Variants in OTUD7A observed in about 807,000 individuals in gnomAD.
The protein encoded by OTUD7A is OTU deubiquitinase 7A.
A neutral mutation model predicts 65.7 loss-of-function variants in OTUD7A; 12 were observed. That is an observed-to-expected ratio of 0.18 (90% CI 0.12 to 0.30). The LOEUF is 0.30. OTUD7A is among the 10% of genes least tolerant of loss of function. OTUD7A has a pLI of 1.00. For synonymous variants in OTUD7A, 641 were observed against 586.3 expected (o/e 1.09, Z -1.35); for missense variants, 1,148 against 1,304.8 (o/e 0.88, Z 1.85).
chr15:31,699,688 C>T (rs1893169228), intron 1 of OTUD7A, among the ~76,000 whole-genome samples: 1 of 152,022 alleles, frequency 6.6e-6, no homozygotes, highest in African/African-American at 2.4e-5. Flanking sequence ...CAGCCCGTAT[C>T]GGCCTCAGTG....
In OTUD7A at chr15:31,597,919, C is replaced by T. The variant is rs189188585; in HGVS notation, c.152-27722G>A. ...GGGAGCCAGCAGGATTTCTGATGAC[C>T]GGCTGTGGGTGTGAGTAAAAGCAGT... On this transcript the variant is annotated intron_variant, in intron 3 of 12. Coordinates refer to ENST00000307050, the MANE Select transcript of OTUD7A (RefSeq NM_001382637.1). Among the ~76,000 whole-genome samples the T allele has an allele frequency of 3.4e-3, 516 of 152,270 alleles. 4 individuals carry two copies. The highest frequency in any genetic ancestry group is 0.012 in the African/African-American group (497 of 41,560).
At chr15:31,640,766 T>A (rs1226512173) in intron 3 of OTUD7A, among the ~76,000 whole-genome samples, 5 of 152,212 alleles carry the variant, frequency 3.3e-5, no homozygotes, top group South Asian at 4.1e-4. Context: ...GATACACTTA[T>A]ACATAGTGAA....
chr15:31,565,965 G>A (rs1888855993), intron 4 of OTUD7A, among the ~76,000 whole-genome samples: 1 of 152,214 alleles, frequency 6.6e-6, no homozygotes, highest in Non-Finnish European at 1.5e-5. Context: ...GGCCGAGGTA[G>A]GTGGATCACA....
chr15:31,696,284 C>T (rs1441313387), intron 1 of OTUD7A, among the ~76,000 whole-genome samples: 3 of 136,738 alleles, frequency 2.2e-5, no homozygotes, highest in East Asian at 2.6e-4. Flanking sequence ...GCATTTTGAG[C>T]GTGCCTGCTG....
At chr15:31,626,296 A>C (rs987357950) in intron 3 of OTUD7A, among the ~76,000 whole-genome samples, 3 of 152,188 alleles carry the variant, frequency 2.0e-5, no homozygotes, top group Non-Finnish European at 2.9e-5. Context: ...AATATACAAA[A>C]AATTAGATGA....
At chr15:31,773,177 G>A (rs1895286181) in intron 1 of OTUD7A, among the ~76,000 whole-genome samples, 1 of 152,152 alleles carries the variant, frequency 6.6e-6, no homozygotes, top group Admixed American at 6.5e-5. Context: ...ATGGAGTTTT[G>A]TTTATATAAA....
chr15:31,694,956 C>T (rs1217874018), intron 1 of OTUD7A, among the ~76,000 whole-genome samples: 1 of 152,054 alleles, frequency 6.6e-6, no homozygotes. Flanking sequence ...CGTCATTCTC[C>T]TGCCTCAGCC....
intron 5 of OTUD7A, among the ~76,000 whole-genome samples, chr15:31,534,926 A>T (rs1887747263): frequency 6.6e-6 from 1 of 152,140 alleles, no homozygotes; most frequent in Non-Finnish European, 1.5e-5. Flanking sequence ...GGTTGAAAAA[A>T]ATCCACATAT....
chr15:31,864,592 C>A (rs28680840), intron 1 of OTUD7A, among the ~76,000 whole-genome samples: 48,542 of 151,980 alleles, frequency 0.32, 8,430 homozygotes, highest in South Asian at 0.56. Flanking sequence ...GATTCAGTTA[C>A]CTCCCTCTGG....
At chr15:31,682,212 A>C (rs1451497908) in intron 1 of OTUD7A, among the ~76,000 whole-genome samples, 1 of 152,230 alleles carries the variant, frequency 6.6e-6, no homozygotes, top group Non-Finnish European at 1.5e-5. Context: ...CTAACTAAGG[A>C]ATTCACAAAA....
chr15:31,615,419 A>G (rs938587373), intron 3 of OTUD7A, among the ~76,000 whole-genome samples: 1 of 152,352 alleles, frequency 6.6e-6, no homozygotes, highest in South Asian at 2.1e-4. Flanking sequence ...ACAGGAAGCT[A>G]TGACAAGTCT....
At chr15:31,632,829 G>A (rs1891216828) in intron 3 of OTUD7A, among the ~76,000 whole-genome samples, 1 of 152,164 alleles carries the variant, frequency 6.6e-6, no homozygotes, top group African/African-American at 2.4e-5. Flanking sequence ...AATGGCAGGC[G>A]CCCCTCCCCC....
intron 3 of OTUD7A, among the ~76,000 whole-genome samples, chr15:31,629,504 A>G (rs1010109921): frequency 5.3e-5 from 8 of 152,188 alleles, no homozygotes; most frequent in Non-Finnish European, 8.8e-5. Flanking sequence ...CCAGTATTTT[A>G]TTGAGGATTT....
intron 10 of OTUD7A, among the ~76,000 whole-genome samples, chr15:31,490,448 G>T (rs1474256413): frequency 6.6e-6 from 1 of 152,148 alleles, no homozygotes; most frequent in Non-Finnish European, 1.5e-5. Flanking sequence ...GAAGAGCATT[G>T]TTCCACCATG....
intron 1 of OTUD7A, among the ~76,000 whole-genome samples, chr15:31,862,162 T>C (rs1897758708): frequency 6.6e-6 from 1 of 152,204 alleles, no homozygotes; most frequent in Non-Finnish European, 1.5e-5. Flanking sequence ...TTTGGAATGC[T>C]ATTCTTTTCC....
chr15:31,490,412 G>T (rs550980869), intron 10 of OTUD7A, among the ~76,000 whole-genome samples: 1 of 152,294 alleles, frequency 6.6e-6, no homozygotes, highest in African/African-American at 2.4e-5. Context: ...AAGATTTCTG[G>T]TTTTTGTCTC....
chr15:31,793,875 T>C (rs1483166368), intron 1 of OTUD7A, among the ~76,000 whole-genome samples: 1 of 152,232 alleles, frequency 6.6e-6, no homozygotes, highest in Non-Finnish European at 1.5e-5. Flanking sequence ...ACATCATGCC[T>C]TGGTATTCCA....
chr15:31,580,639 A>C (rs1404483726), intron 3 of OTUD7A, among the ~76,000 whole-genome samples: 5 of 152,226 alleles, frequency 3.3e-5, no homozygotes, highest in Non-Finnish European at 7.3e-5. Flanking sequence ...AAGGTGAATG[A>C]GGAGTAAAGT....
rs2042011951 is a variant in OTUD7A, at chr15:31,526,293, C to A, written c.893+56G>T. On this transcript the variant is annotated intron_variant, in intron 8 of 12. Coordinates refer to ENST00000307050, the MANE Select transcript of OTUD7A (RefSeq NM_001382637.1). ...TGCCATCCCCCCATGCTGTGTGTAGCCCTGGGTGGCCTGGAGCTGGAGGTG... is the reference window on the plus strand; with the variant it reads ...TGCCATCCCCCCATGCTGTGTGTAGACCTGGGTGGCCTGGAGCTGGAGGTG... 5.4e-6 allele frequency: 8 copies of A among 1,479,822 alleles called. No homozygotes were observed. In the Admixed American group the frequency reaches 6.1e-5, roughly 11 times the overall value. The allele number at this position is 1,479,822 out of a possible 1,614,324, so 91.7% of individuals were successfully genotyped here.
Sources: allele counts gnomAD v4.1 joint callset (sites outside exome capture counted in the v4.1 genomes callset), GRCh38; gene constraint gnomAD v4.1.1; transcripts MANE v1.5; gene names NCBI Gene and HGNC (gene_info 2026-07-23, HGNC 2026-07-21).